Variants in ADAMTS9 observed in about 807,000 individuals in gnomAD.
ADAMTS9 encodes the protein A disintegrin and metalloproteinase with thrombospondin motifs 9.
Under a neutral mutation model 257.1 loss-of-function variants are expected in ADAMTS9, and 107 were observed. The observed-to-expected ratio is 0.42, with a 90% confidence interval of 0.36 to 0.49. The LOEUF (loss-of-function observed/expected upper bound fraction) is 0.49, where lower values mean the gene tolerates loss of function less well. Ranked by LOEUF, ADAMTS9 falls within the 20% of genes least tolerant of loss-of-function variation. ADAMTS9 has a pLI of 0.03. For synonymous variants in ADAMTS9, 982 were observed against 880.9 expected (o/e 1.11, Z -2.03); for missense variants, 2,353 against 2,469.1 (o/e 0.95, Z 1.00).
At chr3:64,619,642 A>G (rs1700056817) in intron 19 of ADAMTS9, among the ~76,000 whole-genome samples, 1 of 152,194 alleles carries the variant, frequency 6.6e-6, no homozygotes, top group African/African-American at 2.4e-5. Flanking sequence ...GAACAATCCT[A>G]TTAGTAAAAG....
At chr3:64,565,600 T>C (rs2106667872) in intron 29 of ADAMTS9, 1 of 152,372 alleles carries the variant, frequency 6.6e-6, no homozygotes, top group East Asian at 1.9e-4. Flanking sequence ...TTTATTCTTT[T>C]TATTTTTGAT....
intron 39 of ADAMTS9, among the ~76,000 whole-genome samples, chr3:64,518,764 A>ATTTTTTTTTTTTT (rs61286740): frequency 1.5e-5 from 1 of 65,292 alleles, no homozygotes; most frequent in African/African-American, 5.0e-5. Flanking sequence ...TTACCTTTTC[A>ATTTTTTTTTTTTT]TTTTTTTTTT....
chr3:64,650,880 TTTTTG>T, intron 9 of ADAMTS9, 132 bp downstream of exon 9: 1 of 812,912 alleles, frequency 1.2e-6, no homozygotes, highest in Non-Finnish European at 1.8e-6. Context: ...TTTTTTTTTT[TTTTTG>T]CCTTCTCCAA....
chr3:64,656,082 C>G (rs768615148), intron 4 of ADAMTS9: 4 of 462,856 alleles, frequency 8.6e-6, no homozygotes, highest in Non-Finnish European at 1.6e-5. Flanking sequence ...ACAGTGAATT[C>G]AAACAAATTT....
At chr3:64,594,559 G>T (rs1018676405) in intron 27 of ADAMTS9, 125 bp from the exon 28 acceptor site, 3 of 1,112,350 alleles carry the variant, frequency 2.7e-6, no homozygotes, top group Non-Finnish European at 3.9e-6. Flanking sequence ...CTGACAGATG[G>T]AACCAAGGTG....
chr3:64,583,265 A>C (rs2084050700), intron 28 of ADAMTS9: 1 of 152,130 alleles, frequency 6.6e-6, no homozygotes, highest in South Asian at 2.1e-4. Flanking sequence ...GTGCTTGTTG[A>C]TTTGCAGATT....
At chr3:64,596,697 G>C (rs936563953) in intron 27 of ADAMTS9, 133 bp downstream of exon 27, 6 of 1,067,068 alleles carry the variant, frequency 5.6e-6, no homozygotes, top group Middle Eastern at 2.2e-4. Flanking sequence ...AAGAAGACAG[G>C]TTTCCTAGTT....
At chr3:64,533,421 G>T in intron 37 of ADAMTS9, 151 bp from the exon 38 acceptor site, 1 of 650,184 alleles carries the variant, frequency 1.5e-6, no homozygotes. Context: ...ATTTAGTTTT[G>T]TTTGTTCAGG....
At chr3:64,603,862 T>C in intron 25 of ADAMTS9, 60 bp downstream of exon 25, 1 of 1,565,714 alleles carries the variant, frequency 6.4e-7, no homozygotes, top group Non-Finnish European at 8.7e-7. Context: ...CTCCGCTGAC[T>C]CCTCATAGCC....
At chr3:64,673,699 ATTAC>A (rs1194215642) in intron 3 of ADAMTS9, among the ~76,000 whole-genome samples, 2 of 152,164 alleles carry the variant, frequency 1.3e-5, no homozygotes, top group Non-Finnish European at 2.9e-5. Flanking sequence ...TATTTATAAT[ATTAC>A]TTAATATTAC....
In ADAMTS9 at chr3:64,622,758, T is replaced by C. The variant is rs577131005; in HGVS notation, c.2390-172A>G. The stretch of plus-strand genomic sequence containing the variant: ...TTGCTACTTGCCAGCTGTGTGGCTT[T>C]GGGAATCATTTTCCATCCATCTCCA... On this transcript the variant is annotated intron_variant, in intron 16 of 39. Transcript: ENST00000498707. Among the ~76,000 whole-genome samples, 17 of 152,288 alleles carry C rather than the reference T, an allele frequency of 1.1e-4. No homozygotes were observed. The East Asian group carries it at 1.9e-3, about 17-fold the overall frequency.
At chr3:64,548,597 G>GT (rs1419355077) in intron 31 of ADAMTS9, among the ~76,000 whole-genome samples, 1 of 28,236 alleles carries the variant, frequency 3.5e-5, no homozygotes. Context: ...CTATTTATGT[G>GT]GGGGGGAGCC....
At position 64,609,000 on chromosome 3, in the gene ADAMTS9, G is replaced by A. The variant is rs375431966; in HGVS notation, c.3355-1921C>T. On this transcript the variant is annotated intron_variant, in intron 22 of 39. Transcript: ENST00000498707. ...AAAATCAATCAATGCAATACATTACGTTAATAGAACAATGGAAAAAAAAAC... is the reference window on the plus strand; with the variant it reads ...AAAATCAATCAATGCAATACATTACATTAATAGAACAATGGAAAAAAAAAC... Among the ~76,000 whole-genome samples the A allele has an allele frequency of 1.3e-4, 20 of 151,050 alleles. No homozygotes were observed. The South Asian group carries it at 3.6e-3, about 27-fold the overall frequency.
intron 32 of ADAMTS9, among the ~76,000 whole-genome samples, 181 bp downstream of exon 32, chr3:64,546,577 C>T (rs183694602): frequency 7.9e-4 from 121 of 152,288 alleles, no homozygotes; most frequent in Non-Finnish European, 1.2e-3. Context: ...GTTCTAAGCA[C>T]AAAGCCACTT....
intron 9 of ADAMTS9, chr3:64,650,712 C>T (rs1449935695): frequency 3.7e-6 from 1 of 273,486 alleles, no homozygotes; most frequent in African/African-American, 2.3e-5. Context: ...AAATCACATT[C>T]ATAGTCCCTC....
intron 12 of ADAMTS9, 62 bp downstream of exon 12, chr3:64,641,786 C>T (rs1700648061): frequency 6.3e-7 from 1 of 1,592,662 alleles, no homozygotes; most frequent in Admixed American, 1.7e-5. Context: ...CCAAATTATT[C>T]CCTTTAGGAA....
At chr3:64,533,831 T>C (rs2083013271) in intron 37 of ADAMTS9, among the ~76,000 whole-genome samples, 2 of 152,190 alleles carry the variant, frequency 1.3e-5, no homozygotes, top group South Asian at 4.1e-4. Flanking sequence ...CAAGACCACC[T>C]GGGCCTGGAG....
At chr3:64,647,865 C>A in intron 11 of ADAMTS9, 75 bp downstream of exon 11, 1 of 1,245,038 alleles carries the variant, frequency 8.0e-7, no homozygotes, top group Admixed American at 2.1e-5. Context: ...TTCTAAACAT[C>A]GGTGTCTGAT....
In ADAMTS9 at chr3:64,532,617, C is replaced by T. The variant is rs374669974; in HGVS notation, c.5718+549G>A. On this transcript the variant is annotated intron_variant, in intron 38 of 39. Transcript: ENST00000498707. ...TGGGACCCAGAACCTGCATTTCCAA[C>T]GGGCCCCCAGGTGACACTGATGCAC... 2.3e-4 allele frequency among the ~76,000 whole-genome samples: 35 copies of T among 152,230 alleles called. 1 individual carries two copies. In the East Asian group the frequency reaches 5.4e-3, roughly 24 times the overall value.
Sources: gnomAD v4.1 joint callset for allele counts (sites outside exome capture counted in the v4.1 genomes callset) on GRCh38, gnomAD v4.1.1 for gene constraint, MANE v1.5 for transcripts, NCBI Gene and HGNC (gene_info 2026-07-23, HGNC 2026-07-21) for gene names.